The following ITFG1 variants were observed in gnomAD, a reference collection of about 807,000 sequenced individuals.
The protein encoded by ITFG1 is integrin alpha FG-GAP repeat containing 1, also known as T-cell immunomodulatory protein.
A neutral mutation model predicts 81.8 loss-of-function variants in ITFG1; 34 were observed. The observed-to-expected ratio is 0.42, with a 90% CI of 0.32 to 0.55. ITFG1 has a LOEUF of 0.55. ITFG1 is among the 20% of genes least tolerant of loss of function. The pLI is 0.17. For synonymous variants in ITFG1, 285 were observed against 270.6 expected (o/e 1.05, Z -0.52); for missense variants, 672 against 755.4 (o/e 0.89, Z 1.29).
chr16:47,347,275 A>G lies in ITFG1; in HGVS notation c.802+18513T>C, dbSNP rs566293804. 2.0e-5 allele frequency among the ~76,000 whole-genome samples: 3 copies of G among 152,362 alleles called. No individual in the cohort carries two copies. The East Asian group carries it at 5.8e-4, about 29-fold the overall frequency. On this transcript the variant is annotated intron_variant, in intron 8 of 17. Coordinates refer to ENST00000320640, the MANE Select transcript of ITFG1 (RefSeq NM_030790.5). ...GCCCCACCCAGGAAGTGCAAGGGGT[A>G]AGGGAATTCCCTTTCATAGCCAAGC...
intron 10 of ITFG1, among the ~76,000 whole-genome samples, chr16:47,279,176 G>A (rs1359661620): frequency 2.0e-5 from 3 of 152,080 alleles, no homozygotes; most frequent in Non-Finnish European, 4.4e-5. Context: ...TTCGTTGACT[G>A]TGTTTCTGGT....
chr16:47,313,803 G>C lies in ITFG1; in HGVS notation c.823C>G (p.His275Asp). 6.2e-7 allele frequency: 1 copy of C among 1,604,230 alleles called. No homozygotes were observed. Among genetic ancestry groups the C allele is most frequent in the East Asian group, 2.3e-5 (1 of 44,340 alleles). ...TTATCTTCACAGCCTGGCAGTAAATGATCCATGTGTCCATCTCCATCTGCC... is the reference window on the plus strand; with the variant it reads ...TTATCTTCACAGCCTGGCAGTAAATCATCCATGTGTCCATCTCCATCTGCC... ...ADFDGDGHMD[H>D]LLPGCEDKNC... Residue 275 changes from histidine (H) to aspartate (D), a missense_variant, in exon 9 of 18, where the codon CAT becomes GAT. By Grantham distance (81) the His-to-Asp change is moderately conservative. Around this residue, in one of 3 missense-constraint regions of ITFG1, gnomAD observed 560 missense variants for 625.7 expected, o/e 0.90. Transcript: ENST00000320640.
intron 14 of ITFG1, among the ~76,000 whole-genome samples, chr16:47,188,620 G>A (rs1965254778): frequency 8.5e-6 from 1 of 117,942 alleles, no homozygotes; most frequent in African/African-American, 3.1e-5. Flanking sequence ...TTGTGGGGTG[G>A]GGGGAGGGGG....
intron 5 of ITFG1, among the ~76,000 whole-genome samples, chr16:47,439,858 G>A (rs1229096477): frequency 6.6e-6 from 1 of 152,114 alleles, no homozygotes; most frequent in African/African-American, 2.4e-5. Context: ...ATGTAAATGG[G>A]CTCAATGCTC....
intron 8 of ITFG1, among the ~76,000 whole-genome samples, chr16:47,322,429 C>T (rs1168212518): frequency 1.3e-5 from 2 of 152,176 alleles, no homozygotes; most frequent in Non-Finnish European, 2.9e-5. Flanking sequence ...TGGCTCAAAC[C>T]TGTAATCCCA....
intron 6 of ITFG1, among the ~76,000 whole-genome samples, chr16:47,408,342 TC>T (rs1219996117): frequency 6.6e-6 from 1 of 152,158 alleles, no homozygotes; most frequent in African/African-American, 2.4e-5. Flanking sequence ...GTCCAACAGG[TC>T]CCATCCACTC....
intron 14 of ITFG1, among the ~76,000 whole-genome samples, chr16:47,164,508 A>C (rs1274723995): frequency 6.6e-6 from 1 of 152,216 alleles, no homozygotes; most frequent in East Asian, 1.9e-4. Flanking sequence ...TATTTGAATG[A>C]GGTGTTTTCC....
chr16:47,400,441 G>A (rs948515971), intron 6 of ITFG1, among the ~76,000 whole-genome samples: 11 of 147,678 alleles, frequency 7.4e-5, no homozygotes. Flanking sequence ...AGTTAATAGG[G>A]AAGACAGAGT....
At chr16:47,358,997 G>A (rs978026406) in intron 8 of ITFG1, among the ~76,000 whole-genome samples, 3 of 152,090 alleles carry the variant, frequency 2.0e-5, no homozygotes, top group African/African-American at 4.8e-5. Context: ...GTCAGGGAAG[G>A]CCTCCAGGAG....
chr16:47,357,577 C>A (rs1490417557), intron 8 of ITFG1, among the ~76,000 whole-genome samples: 1 of 145,670 alleles, frequency 6.9e-6, no homozygotes, highest in Non-Finnish European at 1.5e-5. Context: ...ATCATGCCAC[C>A]GCACTCCAGC....
At chr16:47,234,079 C>T (rs1022940666) in intron 13 of ITFG1, among the ~76,000 whole-genome samples, 5 of 152,074 alleles carry the variant, frequency 3.3e-5, no homozygotes, top group African/African-American at 1.2e-4. Flanking sequence ...ACATCATATC[C>T]AGCTTTCAAT....
chr16:47,461,174 C>G (rs1004077155), upstream of ITFG1: 249 of 1,020,612 alleles, frequency 2.4e-4, 1 homozygote, highest in Admixed American at 3.8e-4. Context: ...GCTCCTTTTT[C>G]TCTCTCCCAC....
intron 6 of ITFG1, among the ~76,000 whole-genome samples, chr16:47,385,399 A>G (rs1968448787): frequency 1.3e-5 from 2 of 152,254 alleles, no homozygotes; most frequent in African/African-American, 2.4e-5. Context: ...TGAAGTTGGT[A>G]ATTCTGAGAA....
intron 6 of ITFG1, among the ~76,000 whole-genome samples, chr16:47,420,399 G>A (rs1243849773): frequency 6.6e-6 from 1 of 152,122 alleles, no homozygotes; most frequent in Admixed American, 6.6e-5. Flanking sequence ...TTTATTGACT[G>A]TCTAGATGAT....
intron 8 of ITFG1, among the ~76,000 whole-genome samples, chr16:47,356,784 G>A (rs761904075): frequency 6.6e-6 from 1 of 152,164 alleles, no homozygotes; most frequent in Non-Finnish European, 1.5e-5. Context: ...GAGTTACGGA[G>A]GGGAAAATAT....
chr16:47,224,633 A>T (rs1965736219), intron 13 of ITFG1, among the ~76,000 whole-genome samples: 1 of 152,220 alleles, frequency 6.6e-6, no homozygotes, highest in Non-Finnish European at 1.5e-5. Flanking sequence ...GTTGACGTAT[A>T]GTTAAAAATG....
chr16:47,349,994 T>C (rs1239130343), intron 8 of ITFG1, among the ~76,000 whole-genome samples: 1 of 152,130 alleles, frequency 6.6e-6, no homozygotes, highest in Non-Finnish European at 1.5e-5. Context: ...AAGGCAGAAA[T>C]AAAGATGTTC....
At chr16:47,440,599 C>T (rs1013264119) in intron 5 of ITFG1, among the ~76,000 whole-genome samples, 6 of 151,976 alleles carry the variant, frequency 3.9e-5, no homozygotes, top group Admixed American at 6.6e-5. Context: ...GGGTACATAA[C>T]GAAATGAAAG....
chr16:47,287,649 C>T (rs1966875282), intron 10 of ITFG1, among the ~76,000 whole-genome samples: 1 of 152,154 alleles, frequency 6.6e-6, no homozygotes, highest in Non-Finnish European at 1.5e-5. Flanking sequence ...GCAATTCCCT[C>T]ACCTCAGCCT....
Sources: allele counts gnomAD v4.1 joint callset (sites outside exome capture counted in the v4.1 genomes callset), GRCh38; gene constraint gnomAD v4.1.1; regional missense constraint gnomAD v4.1.1; transcripts MANE v1.5; gene names NCBI Gene and HGNC (gene_info 2026-07-23, HGNC 2026-07-21).